The following GFPT1 variants were observed in gnomAD, a reference collection of about 807,000 sequenced individuals.
GFPT1 encodes the protein glutamine--fructose-6-phosphate aminotransferase [isomerizing] 1.
A neutral mutation model predicts 92.0 loss-of-function variants in GFPT1; 40 were observed. The ratio of observed to expected loss-of-function variants is 0.43; its 90% CI spans 0.34 to 0.57. The LOEUF (loss-of-function observed/expected upper bound fraction) is 0.57. GFPT1 is among the 20% of genes least tolerant of loss of function. The probability of loss-of-function intolerance (pLI) is 0.02; values close to 1 mark genes in which losing one functional copy is unlikely to be tolerated. For synonymous variants in GFPT1, 269 were observed against 280.6 expected (o/e 0.96, Z 0.41); for missense variants, 448 against 869.1 (o/e 0.52, Z 6.09).
In GFPT1 at chr2:69,324,926, CACTT is replaced by C. The variant is rs1327411245; in HGVS notation, c.*1259_*1262del. The C allele has an allele frequency of 2.0e-5, 3 of 152,294 alleles. No individual in the cohort carries two copies. The highest frequency in any genetic ancestry group is 2.1e-4 in the South Asian group (1 of 4,832). The allele number at this position is 152,294 out of a possible 1,614,324, so 9.4% of individuals were successfully genotyped here. On this transcript the variant is annotated 3_prime_UTR_variant, in exon 20 of 20. Transcript: ENST00000357308. Reference sequence around the variant, plus strand: ...CCAAATTGTCAACTTCCATTTCTGACACTTACAAGCTGAACATACCCCAATATCA... The same window carrying C: ...CCAAATTGTCAACTTCCATTTCTGACACAAGCTGAACATACCCCAATATCA...
At chr2:69,369,129 T>C (rs746236330) in intron 3 of GFPT1, among the ~76,000 whole-genome samples, 12 of 152,230 alleles carry the variant, frequency 7.9e-5, no homozygotes, top group Non-Finnish European at 1.8e-4. Context: ...TTTTGAAGTA[T>C]AGTTATTTGG....
intron 12 of GFPT1, among the ~76,000 whole-genome samples, chr2:69,345,043 T>A (rs1671051225): frequency 6.6e-6 from 1 of 152,182 alleles, no homozygotes; most frequent in Non-Finnish European, 1.5e-5. Context: ...AAGAATTTAC[T>A]GCTACTCTCC....
chr2:69,330,547 T>A (rs1401969317), intron 15 of GFPT1, among the ~76,000 whole-genome samples: 1 of 148,080 alleles, frequency 6.8e-6, no homozygotes, highest in Non-Finnish European at 1.5e-5. Context: ...TGCCTGTTCC[T>A]CAATCCCAGT....
At chr2:69,334,016 C>A (rs1293397828) in intron 15 of GFPT1, among the ~76,000 whole-genome samples, 1 of 152,066 alleles carries the variant, frequency 6.6e-6, no homozygotes, top group African/African-American at 2.4e-5. Flanking sequence ...ATTGGCCAGG[C>A]GTGGTGGCAG....
intron 15 of GFPT1, 28 bp downstream of exon 15, chr2:69,337,870 T>A: frequency 1.3e-6 from 2 of 1,588,058 alleles, no homozygotes; most frequent in Non-Finnish European, 1.7e-6. Context: ...GATTAAATAA[T>A]CATCAGAGAA....
intron 1 of GFPT1, among the ~76,000 whole-genome samples, chr2:69,380,315 C>T (rs1385526695): frequency 6.6e-6 from 1 of 152,118 alleles, no homozygotes; most frequent in Admixed American, 6.5e-5. Context: ...GCACTCCAGG[C>T]TGGGCGACAC....
At chr2:69,334,399 T>C (rs928455469) in intron 15 of GFPT1, among the ~76,000 whole-genome samples, 2 of 152,130 alleles carry the variant, frequency 1.3e-5, no homozygotes, top group African/African-American at 4.8e-5. Flanking sequence ...TTAAAGTCTG[T>C]ACTAAAAAGA....
At chr2:69,357,985 A>C (rs1331757821) in intron 6 of GFPT1, among the ~76,000 whole-genome samples, 1 of 152,216 alleles carries the variant, frequency 6.6e-6, no homozygotes, top group Non-Finnish European at 1.5e-5. Flanking sequence ...GATGAGCAAG[A>C]AGCAAGGGAA....
At chr2:69,359,878 G>C (rs928683610) in intron 4 of GFPT1, among the ~76,000 whole-genome samples, 1 of 152,142 alleles carries the variant, frequency 6.6e-6, no homozygotes, top group Non-Finnish European at 1.5e-5. Flanking sequence ...ATAAGTCATA[G>C]AATGTCAGAA....
At chr2:69,363,444 A>T (rs1291381417) in intron 4 of GFPT1, 101 bp downstream of exon 4, 1 of 1,254,432 alleles carries the variant, frequency 8.0e-7, no homozygotes, top group Non-Finnish European at 1.1e-6. Context: ...GAAATTTTCC[A>T]GATGAAAAAT....
At chr2:69,335,464 A>G (rs1670772400) in intron 15 of GFPT1, among the ~76,000 whole-genome samples, 1 of 152,194 alleles carries the variant, frequency 6.6e-6, no homozygotes, top group African/African-American at 2.4e-5. Flanking sequence ...GAAAAGATTA[A>G]GTCAATGGCA....
rs1235401342 is a variant in GFPT1, at chr2:69,338,671, G to A, written c.1204-106C>T. On this transcript the variant is annotated intron_variant, in intron 13 of 19. Transcript: ENST00000357308. ...TTTTGCTTTTTCTGATTACAAAAAT[G>A]ACACGTTAGAAAATAAAAACAACCC... The A allele has an allele frequency of 5.8e-5, 61 of 1,055,464 alleles. No homozygotes were observed. In the East Asian group the frequency reaches 1.4e-3, roughly 25 times the overall value. The allele number at this position is 1,055,464 out of a possible 1,614,324, so 65.4% of individuals were successfully genotyped here.
At chr2:69,330,080 T>C (rs1272409238) in intron 15 of GFPT1, among the ~76,000 whole-genome samples, 4 of 152,034 alleles carry the variant, frequency 2.6e-5, no homozygotes. Context: ...TAGCTGGGTG[T>C]GGTGGTGTGC....
In GFPT1 at chr2:69,385,746, A is replaced by G. The variant is rs150169384; in HGVS notation, c.7+1319T>C. ...AAACTAAATGCAAAACCATTCTACT[A>G]AGTAGACACTGCAAAAGTCTGATTC... On this transcript the variant is annotated intron_variant, in intron 1 of 19. Transcript: ENST00000357308. 2.0e-5 allele frequency among the ~76,000 whole-genome samples: 3 copies of G among 152,216 alleles called. No individual in the cohort carries two copies. The East Asian group carries it at 5.8e-4, about 29-fold the overall frequency.
At chr2:69,379,216 C>G (rs1671948883) in intron 1 of GFPT1, among the ~76,000 whole-genome samples, 1 of 152,198 alleles carries the variant, frequency 6.6e-6, no homozygotes, top group South Asian at 2.1e-4. Flanking sequence ...TACACACACT[C>G]CCAGTCCTTC....
chr2:69,340,140 C>CT (rs139786418), intron 13 of GFPT1, among the ~76,000 whole-genome samples: 473 of 99,060 alleles, frequency 4.8e-3, no homozygotes, highest in Non-Finnish European at 7.0e-3. Flanking sequence ...GTTGGGGCAA[C>CT]TTTTTTTTTT....
At chr2:69,345,311 C>G (rs1574057603) in intron 12 of GFPT1, among the ~76,000 whole-genome samples, 1 of 152,126 alleles carries the variant, frequency 6.6e-6, no homozygotes, top group Admixed American at 6.6e-5. Context: ...CAGGAGGGTA[C>G]AGGTTATCCA....
chr2:69,321,917 G>A lies in GFPT1; in HGVS notation c.*4272C>T, dbSNP rs773426620. On this transcript the variant is annotated 3_prime_UTR_variant, in exon 20 of 20. Coordinates refer to ENST00000357308, the MANE Select transcript of GFPT1 (RefSeq NM_001244710.2). ...GTTAATATAGCATAATTTTACAATC[G>A]TACTTTCACTATGATTTTTATTTTA... is the stretch of plus-strand genomic sequence containing the variant. 2 of 152,062 alleles carry A rather than the reference G, an allele frequency of 1.3e-5. No homozygotes were observed. The highest frequency in any genetic ancestry group is 2.4e-5 in the African/African-American group (1 of 41,400). The allele number at this position is 152,062 out of a possible 1,614,324, so 9.4% of individuals were successfully genotyped here.
At chr2:69,356,166 C>T (rs7579556) in intron 7 of GFPT1, among the ~76,000 whole-genome samples, 6 of 151,558 alleles carry the variant, frequency 4.0e-5, no homozygotes, top group Non-Finnish European at 5.9e-5. Flanking sequence ...GCTAATTTTT[C>T]TATATTTAGT....
Sources: gnomAD v4.1 joint callset for allele counts (sites outside exome capture counted in the v4.1 genomes callset) on GRCh38, gnomAD v4.1.1 for gene constraint, MANE v1.5 for transcripts, NCBI Gene and HGNC (gene_info 2026-07-23, HGNC 2026-07-21) for gene names.